PLD1: variants seen among roughly 807,000 people sequenced by gnomAD.
PLD1 encodes the protein phospholipase D1.
In PLD1, 112 loss-of-function variants were observed where a neutral mutation model predicts 137.1. That is an observed-to-expected ratio of 0.82 (90% confidence interval 0.70 to 0.96). The LOEUF (loss-of-function observed/expected upper bound fraction) is 0.96. Among genes scored for constraint, PLD1 ranks in the 40% least tolerant of loss-of-function variants. The pLI is 0.00. For synonymous variants in PLD1, 431 were observed against 454.7 expected (o/e 0.95, Z 0.66); for missense variants, 1,321 against 1,342.0 (o/e 0.98, Z 0.24).
chr3:171,692,057 G>T (rs143763714), intron 13 of PLD1, among the ~76,000 whole-genome samples: 411 of 152,244 alleles, frequency 2.7e-3, no homozygotes, highest in Middle Eastern at 0.01. Flanking sequence ...TAGAGCTCGT[G>T]AATATCAAAA....
intron 23 of PLD1, among the ~76,000 whole-genome samples, chr3:171,631,333 C>T (rs974875691): frequency 1.4e-4 from 22 of 151,988 alleles, no homozygotes; most frequent in Admixed American, 1.4e-3. Context: ...ATAATGGGAG[C>T]CGTGTTTCTC....
chr3:171,701,694 G>T (rs1291084257), intron 11 of PLD1, among the ~76,000 whole-genome samples: 2 of 152,162 alleles, frequency 1.3e-5, no homozygotes, highest in African/African-American at 4.8e-5. Context: ...ATGGCTGCAT[G>T]GCAAGAAGAA....
chr3:171,749,117 G>A (rs1237397852), intron 1 of PLD1, among the ~76,000 whole-genome samples: 3 of 152,056 alleles, frequency 2.0e-5, no homozygotes. Flanking sequence ...TTTAAGAAAA[G>A]ATTTATTCAA....
intron 8 of PLD1, among the ~76,000 whole-genome samples, chr3:171,715,590 C>A (rs1292202771): frequency 1.3e-5 from 2 of 151,774 alleles, no homozygotes; most frequent in Non-Finnish European, 2.9e-5. Context: ...ATTAATTCTT[C>A]TGATCCTCTT....
intron 1 of PLD1, among the ~76,000 whole-genome samples, chr3:171,808,393 G>A (rs1723958931): frequency 6.6e-6 from 1 of 152,130 alleles, no homozygotes; most frequent in South Asian, 2.1e-4. Flanking sequence ...AAAATCAACC[G>A]GGCGTGGCAG....
At chr3:171,614,887 C>T (rs536279125) in intron 24 of PLD1, among the ~76,000 whole-genome samples, 1 of 152,148 alleles carries the variant, frequency 6.6e-6, no homozygotes, top group Non-Finnish European at 1.5e-5. Context: ...CCGACACTCC[C>T]GAGGTGAGGA....
chr3:171,688,512 T>A (rs1240662626), intron 14 of PLD1, among the ~76,000 whole-genome samples, 164 bp downstream of exon 14: 2 of 152,222 alleles, frequency 1.3e-5, no homozygotes, highest in East Asian at 3.8e-4. Flanking sequence ...GTGGGGAAGC[T>A]GGTGTTTGAA....
chr3:171,759,140 G>A (rs1411726254), intron 1 of PLD1, among the ~76,000 whole-genome samples: 4 of 151,710 alleles, frequency 2.6e-5, no homozygotes, highest in Admixed American at 6.6e-5. Flanking sequence ...GCTAACAAAC[G>A]AGCTTAAACT....
intron 1 of PLD1, among the ~76,000 whole-genome samples, chr3:171,776,043 A>G (rs1190643284): frequency 6.6e-6 from 1 of 152,176 alleles, no homozygotes; most frequent in Non-Finnish European, 1.5e-5. Flanking sequence ...TAAAATAATA[A>G]AAACAGTAAC....
At position 171,600,936 on chromosome 3, in the gene PLD1, A is replaced by T. The variant is rs919131586; in HGVS notation, c.*2142T>A. ...CAGGCTCTGGGGATACACTATGAAC[A>T]AAATACAGTGAAGTCCCTGCCCCAT... On this transcript the variant is annotated 3_prime_UTR_variant, in exon 27 of 27. Coordinates refer to ENST00000351298, the MANE Select transcript of PLD1 (RefSeq NM_002662.5). 6.6e-6 allele frequency: 1 copy of T among 152,266 alleles called. No homozygotes were observed. 9.4% of individuals were successfully genotyped at this position (152,266 alleles called of 1,614,324 possible).
At chr3:171,726,185 A>C in intron 6 of PLD1, 109 bp from the exon 7 acceptor site, 1 of 691,532 alleles carries the variant, frequency 1.4e-6, no homozygotes, top group South Asian at 1.6e-5. Flanking sequence ...GGTGTGCTCC[A>C]CAGACTACAC....
chr3:171,796,487 A>T (rs1216944969), intron 1 of PLD1, among the ~76,000 whole-genome samples: 1 of 152,226 alleles, frequency 6.6e-6, no homozygotes, highest in African/African-American at 2.4e-5. Flanking sequence ...TGGATCAACT[A>T]ATCAACAAAT....
At chr3:171,713,808 A>T in intron 9 of PLD1, 85 bp downstream of exon 9, 1 of 1,195,382 alleles carries the variant, frequency 8.4e-7, no homozygotes, top group Non-Finnish European at 1.2e-6. Flanking sequence ...AACACTTTTT[A>T]AACTCCTTTT....
At chr3:171,613,016 A>T (rs1326676853) in intron 24 of PLD1, among the ~76,000 whole-genome samples, 2 of 152,146 alleles carry the variant, frequency 1.3e-5, no homozygotes, top group East Asian at 3.9e-4. Context: ...AAAAGTTTTT[A>T]AAAATTAGCT....
chr3:171,732,390 G>T (rs1921344), intron 6 of PLD1, among the ~76,000 whole-genome samples: 28,855 of 152,074 alleles, frequency 0.19, 3,604 homozygotes, highest in Non-Finnish European at 0.25. Flanking sequence ...GAATGCCCCA[G>T]TGCAAGCTGC....
At chr3:171,682,199 A>G (rs1440399129) in intron 16 of PLD1, among the ~76,000 whole-genome samples, 1 of 152,122 alleles carries the variant, frequency 6.6e-6, no homozygotes, top group African/African-American at 2.4e-5. Context: ...AGGGAATAAA[A>G]TTCAACACTT....
At chr3:171,649,585 G>C (rs1736554155) in intron 21 of PLD1, among the ~76,000 whole-genome samples, 1 of 152,150 alleles carries the variant, frequency 6.6e-6, no homozygotes, top group African/African-American at 2.4e-5. Context: ...ATTCAGCTTA[G>C]GGTAAGAATC....
intron 1 of PLD1, among the ~76,000 whole-genome samples, chr3:171,794,791 A>G (rs1335024942): frequency 2.0e-5 from 3 of 152,230 alleles, no homozygotes; most frequent in African/African-American, 7.2e-5. Context: ...AATAATATAA[A>G]AAGAAAATAT....
chr3:171,653,548 G>A (rs1030301016), intron 21 of PLD1: 8 of 152,170 alleles, frequency 5.3e-5, no homozygotes, highest in African/African-American at 1.9e-4. Context: ...AGCCAGTCGT[G>A]AGAAACCAAA....
Sources: gnomAD v4.1 joint callset for allele counts (sites outside exome capture counted in the v4.1 genomes callset) on GRCh38, gnomAD v4.1.1 for gene constraint, MANE v1.5 for transcripts, NCBI Gene and HGNC (gene_info 2026-07-23, HGNC 2026-07-21) for gene names.